JMJD1C: variants seen among roughly 807,000 people sequenced by gnomAD.
JMJD1C encodes the protein jumonji domain containing 1C.
Under a neutral mutation model 245.3 loss-of-function variants are expected in JMJD1C, and 31 were observed. The ratio of observed to expected loss-of-function variants is 0.13; its 90% confidence interval spans 0.09 to 0.17. The LOEUF (loss-of-function observed/expected upper bound fraction) is 0.17, where lower values mean the gene tolerates loss of function less well. Ranked by LOEUF, JMJD1C falls within the 10% of genes least tolerant of loss-of-function variation. The pLI, the probability that JMJD1C is intolerant of heterozygous loss-of-function variation, is 1.00. For synonymous variants in JMJD1C, 1,057 were observed against 1,017.4 expected, an observed-to-expected ratio of 1.04 and a Z score of -0.74; for missense variants, 2,691 against 3,000.2, an observed-to-expected ratio of 0.90 and a Z score of 2.41.
chr10:63,485,122 A>C (rs1953954180), intron 1 of JMJD1C, among the ~76,000 whole-genome samples: 1 of 151,632 alleles, frequency 6.6e-6, no homozygotes, highest in Admixed American at 6.6e-5. Context: ...AAATTTAATT[A>C]AATATTTAAA....
intron 11 of JMJD1C, 44 bp from the exon 12 acceptor site, chr10:63,198,771 A>G (rs767294436): frequency 4.4e-6 from 5 of 1,141,072 alleles, no homozygotes; most frequent in Non-Finnish European, 6.3e-6. Flanking sequence ...CACATATTAA[A>G]ACATAAGTCC....
intron 24 of JMJD1C, among the ~76,000 whole-genome samples, chr10:63,175,301 A>T (rs180974705): frequency 6.6e-6 from 1 of 152,222 alleles, no homozygotes; most frequent in African/African-American, 2.4e-5. Flanking sequence ...TGAAATAATC[A>T]TAAGTCCATG....
intron 1 of JMJD1C, among the ~76,000 whole-genome samples, chr10:63,423,182 C>G (rs1045535476): frequency 5.3e-5 from 8 of 152,112 alleles, no homozygotes; most frequent in African/African-American, 1.4e-4. Flanking sequence ...CCAGGCTGTT[C>G]TTAAACTCCT....
At chr10:63,170,792 G>A (rs962086729) in intron 24 of JMJD1C, among the ~76,000 whole-genome samples, 1 of 152,162 alleles carries the variant, frequency 6.6e-6, no homozygotes, top group Non-Finnish European at 1.5e-5. Context: ...ACTTTGAAGA[G>A]CCAAGGTTCA....
At chr10:63,286,672 A>G (rs1279893815) in intron 2 of JMJD1C, among the ~76,000 whole-genome samples, 2 of 152,162 alleles carry the variant, frequency 1.3e-5, no homozygotes, top group Non-Finnish European at 2.9e-5. Flanking sequence ...CAGGTTTTCA[A>G]ATACGAAAAA....
At chr10:63,422,432 T>C (rs571829615) in intron 1 of JMJD1C, among the ~76,000 whole-genome samples, 3 of 152,112 alleles carry the variant, frequency 2.0e-5, no homozygotes, top group Non-Finnish European at 4.4e-5. Context: ...AAAAGAACAC[T>C]TGCCATTTGC....
upstream of JMJD1C, among the ~76,000 whole-genome samples, chr10:63,468,923 G>A (rs934847517): frequency 6.6e-6 from 1 of 151,780 alleles, no homozygotes; most frequent in Non-Finnish European, 1.5e-5. Context: ...GTTCAGGCTG[G>A]GCAACATCAC....
intron 2 of JMJD1C, among the ~76,000 whole-genome samples, chr10:63,344,273 A>T (rs541411140): frequency 6.6e-6 from 1 of 152,180 alleles, no homozygotes; most frequent in East Asian, 1.9e-4. Context: ...TAGATACACA[A>T]AAACTTACCA....
At chr10:63,361,345 C>A (rs988318699) in intron 2 of JMJD1C, among the ~76,000 whole-genome samples, 1 of 152,132 alleles carries the variant, frequency 6.6e-6, no homozygotes, top group Admixed American at 6.6e-5. Flanking sequence ...ATCATTTGAA[C>A]CCAGGAGGCG....
At chr10:63,512,548 AGTTGGAT>A (rs1388500578) in intron 1 of JMJD1C, among the ~76,000 whole-genome samples, 1 of 152,128 alleles carries the variant, frequency 6.6e-6, no homozygotes, top group Non-Finnish European at 1.5e-5. Context: ...ATTTCTGAGA[AGTTGGAT>A]GTAATTTTTA....
intron 1 of JMJD1C, among the ~76,000 whole-genome samples, chr10:63,500,984 C>G (rs1380167222): frequency 6.6e-6 from 1 of 151,544 alleles, no homozygotes; most frequent in African/African-American, 2.4e-5. Flanking sequence ...AATTATAACA[C>G]GAACTACTAC....
chr10:63,328,560 G>A (rs961801444), intron 2 of JMJD1C, among the ~76,000 whole-genome samples: 1 of 152,174 alleles, frequency 6.6e-6, no homozygotes, highest in African/African-American at 2.4e-5. Context: ...TTTCATATCA[G>A]AAGTAATTTT....
chr10:63,433,586 CTTTTTTTTTTT>C (rs539696706), intron 1 of JMJD1C, among the ~76,000 whole-genome samples: 4 of 86,848 alleles, frequency 4.6e-5, no homozygotes, highest in Non-Finnish European at 8.4e-5. Flanking sequence ...CTTTTCTTTT[CTTTTTTTTTTT>C]TTTTTTGAGA....
chr10:63,382,302 G>A (rs1947280112), intron 1 of JMJD1C, among the ~76,000 whole-genome samples: 2 of 152,082 alleles, frequency 1.3e-5, no homozygotes, highest in African/African-American at 4.8e-5. Flanking sequence ...CTCTGTCACA[G>A]ACAGAGACAA....
intron 2 of JMJD1C, among the ~76,000 whole-genome samples, chr10:63,379,022 C>A (rs1947001070): frequency 6.6e-6 from 1 of 152,024 alleles, no homozygotes; most frequent in South Asian, 2.1e-4. Flanking sequence ...TCACTCTCTT[C>A]CCTCCCTTCC....
At chr10:63,464,554 GTCTTGTC>G (rs2133112070) in intron 1 of JMJD1C, among the ~76,000 whole-genome samples, 1 of 152,270 alleles carries the variant, frequency 6.6e-6, no homozygotes, top group African/African-American at 2.4e-5. Flanking sequence ...TCTAGTCCAT[GTCTTGTC>G]TCTACTCCGC....
chr10:63,329,552 GA>G (rs1483004233), intron 2 of JMJD1C, among the ~76,000 whole-genome samples: 1 of 118,500 alleles, frequency 8.4e-6, no homozygotes, highest in Non-Finnish European at 1.8e-5. Flanking sequence ...AAAAAAAAAA[GA>G]AAAAATCTTG....
intron 2 of JMJD1C, among the ~76,000 whole-genome samples, chr10:63,283,037 G>C (rs1857580964): frequency 6.6e-6 from 1 of 152,052 alleles, no homozygotes; most frequent in South Asian, 2.1e-4. Flanking sequence ...TCTTAATTCA[G>C]GTCAGTTTCA....
intron 4 of JMJD1C, 92 bp from the exon 5 acceptor site, chr10:63,217,423 T>C (rs1006794830): frequency 2.1e-6 from 2 of 959,078 alleles, no homozygotes; most frequent in African/African-American, 1.7e-5. Context: ...TAGTGTATAA[T>C]AGTAATATAT....
Sources: allele counts gnomAD v4.1 joint callset (sites outside exome capture counted in the v4.1 genomes callset), GRCh38; gene constraint gnomAD v4.1.1; transcripts MANE v1.5; gene names NCBI Gene and HGNC (gene_info 2026-07-23, HGNC 2026-07-21).